SATB1: variants seen among roughly 807,000 people sequenced by gnomAD.
SATB1 encodes the protein SATB homeobox 1.
Under a neutral mutation model 86.9 loss-of-function variants are expected in SATB1, and 11 were observed. The observed-to-expected ratio is 0.13, with a 90% CI of 0.08 to 0.21. SATB1 has a LOEUF of 0.21. Among genes scored for constraint, SATB1 ranks in the 10% least tolerant of loss-of-function variants. The pLI is 1.00. For synonymous variants in SATB1, 357 were observed against 357.2 expected, an observed-to-expected ratio of 1.00 and a Z score of 0.01; for missense variants, 551 against 937.6, an observed-to-expected ratio of 0.59 and a Z score of 5.39.
chr3:18,418,834 G>A (rs1698244464), intron 2 of SATB1, among the ~76,000 whole-genome samples: 1 of 152,162 alleles, frequency 6.6e-6, no homozygotes, highest in Non-Finnish European at 1.5e-5. Flanking sequence ...TGGAGTATCT[G>A]AGACCCTCCT....
chr3:18,424,976 G>A lies in SATB1; in HGVS notation c.-1374C>T, dbSNP rs1698606113. 6.4e-6 allele frequency: 1 copy of A among 155,328 alleles called. No homozygotes were observed. Among genetic ancestry groups the A allele is most frequent in the African/African-American group, 2.4e-5 (1 of 41,452 alleles). 9.6% of individuals were successfully genotyped at this position (155,328 alleles called of 1,614,324 possible). On this transcript the variant is annotated 5_prime_UTR_variant, in exon 1 of 11. Transcript: ENST00000338745. ...GAGTGTGAGCGCGAGTCCCCGGACGGGGCTGCTTCTCTCGCTCTCTCCCTC... is the reference window on the plus strand; with the variant it reads ...GAGTGTGAGCGCGAGTCCCCGGACGAGGCTGCTTCTCTCGCTCTCTCCCTC...
At chr3:18,374,386 T>C (rs146154990) in intron 9 of SATB1, among the ~76,000 whole-genome samples, 6 of 152,348 alleles carry the variant, frequency 3.9e-5, no homozygotes, top group East Asian at 1.9e-4. Flanking sequence ...TAGCAAATTC[T>C]GCTCTCATAA....
intron 10 of SATB1, chr3:18,351,357 G>A (rs1240541909): frequency 1.9e-6 from 3 of 1,555,316 alleles, no homozygotes; most frequent in African/African-American, 1.4e-5. Context: ...GGCAGGCCTG[G>A]TAAGAAAACG....
intron 9 of SATB1, among the ~76,000 whole-genome samples, chr3:18,364,923 A>G (rs1695106296): frequency 6.6e-6 from 1 of 151,990 alleles, no homozygotes; most frequent in South Asian, 2.1e-4. Flanking sequence ...AGGGGTTCCT[A>G]GACTGTGTCC....
intron 9 of SATB1, among the ~76,000 whole-genome samples, chr3:18,361,275 A>T (rs1694893616): frequency 6.6e-6 from 1 of 152,128 alleles, no homozygotes; most frequent in Non-Finnish European, 1.5e-5. Context: ...GCTAAACCTC[A>T]ATTTTCTGCT....
chr3:18,445,275 C>T lies in SATB1; in HGVS notation c.-25+243G>A, dbSNP rs1699361725. The T allele has an allele frequency of 1.2e-5, 12 of 984,188 alleles. No individual in the cohort carries two copies. The African/African-American group carries it at 1.2e-4, about 10-fold the overall frequency. The allele number at this position is 984,188 out of a possible 1,614,324, so 61.0% of individuals were successfully genotyped here. ...ACACTAGGCGCACTGAAGCCCGAGC[C>T]GAGCCGAGCCCGAGCCGCCGCCGCC... On this transcript the variant is annotated intron_variant, in intron 1 of 3. Transcript: ENST00000415069.
intron 9 of SATB1, among the ~76,000 whole-genome samples, chr3:18,373,359 C>T (rs1190312383): frequency 1.3e-5 from 2 of 152,058 alleles, no homozygotes; most frequent in African/African-American, 2.4e-5. Flanking sequence ...TATGAACATT[C>T]CAAAAGAATG....
intron 9 of SATB1, among the ~76,000 whole-genome samples, chr3:18,356,787 G>A (rs536695440): frequency 6.6e-6 from 1 of 151,886 alleles, no homozygotes; most frequent in African/African-American, 2.4e-5. Context: ...TTTTAATTGA[G>A]TCAAGAAAGT....
chr3:18,352,834 A>G lies in SATB1; in HGVS notation c.1576-639T>C, dbSNP rs1354484928. ...TTTTTCCGCCTGCTGCAGTGGGAGC[A>G]TATGATTTGTCAGGCAAGAATTTAA... is the stretch of plus-strand genomic sequence containing the variant. On this transcript the variant is annotated intron_variant, in intron 9 of 10. Coordinates refer to ENST00000338745, the MANE Select transcript of SATB1 (RefSeq NM_002971.6). The surrounding 1 kb of genome is among the most constrained non-coding windows in gnomAD (Gnocchi z 4.1). 1.3e-5 allele frequency: 2 copies of G among 152,564 alleles called. No homozygotes were observed. Among genetic ancestry groups the G allele is most frequent in the African/African-American group, 2.4e-5 (1 of 41,450 alleles). The allele number at this position is 152,564 out of a possible 1,614,324, so 9.5% of individuals were successfully genotyped here. A position where few individuals can be genotyped will look rare whatever the true frequency, so the allele number is the denominator to read the frequency against.
intron 4 of SATB1, 60 bp from the exon 5 acceptor site, chr3:18,415,294 T>C: frequency 1.9e-6 from 3 of 1,595,534 alleles, no homozygotes; most frequent in Non-Finnish European, 1.7e-6. Flanking sequence ...CTGCAGAACA[T>C]TCCTTTAAGA....
At chr3:18,439,466 T>A (rs552379599), upstream of SATB1, among the ~76,000 whole-genome samples, 1 of 152,168 alleles carries the variant, frequency 6.6e-6, no homozygotes, top group East Asian at 1.9e-4. Context: ...AAAGATACCA[T>A]TGGCATAAGT....
At chr3:18,411,681 C>G (rs191285110) in intron 5 of SATB1, among the ~76,000 whole-genome samples, 1 of 152,078 alleles carries the variant, frequency 6.6e-6, no homozygotes, top group Admixed American at 6.6e-5. Context: ...TCCAACTTAT[C>G]TAACCACATC....
At position 18,352,265 on chromosome 3, in the gene SATB1, A is replaced by G; in HGVS notation, c.1576-70T>C. On this transcript the variant is annotated intron_variant, in intron 9 of 10. Coordinates refer to ENST00000338745, the MANE Select transcript of SATB1 (RefSeq NM_002971.6). The surrounding 1 kb of genome is among the most constrained non-coding windows in gnomAD (Gnocchi z 4.1). ...GGCTGGCATTTTCCATTAGGAGCTA[A>G]AAAGGAAAAACCCTATGAATTAACT... The G allele has an allele frequency of 1.5e-6, 2 of 1,360,304 alleles. No individual in the cohort carries two copies. The highest frequency in any genetic ancestry group is 2.1e-6 in the Non-Finnish European group (2 of 961,308). The allele number at this position is 1,360,304 out of a possible 1,614,324, so 84.3% of individuals were successfully genotyped here.
chr3:18,443,169 A>G (rs1032344862), upstream of SATB1, among the ~76,000 whole-genome samples: 25 of 152,372 alleles, frequency 1.6e-4, no homozygotes, highest in African/African-American at 6.0e-4. This position sits in a 1 kb window ranked among gnomAD's most constrained non-coding sequence, Gnocchi z 4.4. Flanking sequence ...CTCTGTCAGC[A>G]GTACAAACAC....
chr3:18,345,667 A>G lies in SATB1; in HGVS notation c.*3503T>C, dbSNP rs1180076910. The G allele has an allele frequency of 1.3e-5, 2 of 152,138 alleles. No individual in the cohort carries two copies. The highest frequency in any genetic ancestry group is 1.9e-4 in the East Asian group (1 of 5,200). 9.4% of individuals were successfully genotyped at this position (152,138 alleles called of 1,614,324 possible). A position where few individuals can be genotyped will look rare whatever the true frequency, so the allele number is the denominator to read the frequency against. Reference sequence around the variant, plus strand: ...GTATTGATATTTTCTGATATTTTAGATATGATTAATATTTTGGACCTCCAT... The same window carrying G: ...GTATTGATATTTTCTGATATTTTAGGTATGATTAATATTTTGGACCTCCAT... On this transcript the variant is annotated 3_prime_UTR_variant, in exon 11 of 11. Transcript: ENST00000338745.
At position 18,368,861 on chromosome 3, in the gene SATB1, C is replaced by T. The variant is rs190946950; in HGVS notation, c.1575+9309G>A. Among the ~76,000 whole-genome samples, 173 of 152,222 alleles carry T rather than the reference C, an allele frequency of 1.1e-3. 1 individual carries two copies. Among genetic ancestry groups the T allele is most frequent in the African/African-American group, 1.3e-3 (52 of 41,536 alleles). ...ACACCACTGATCCTATTTCCTCCTC[C>T]GCTCTTAGCTTTAGTTTTCCACCAG... On this transcript the variant is annotated intron_variant, in intron 9 of 10. Coordinates refer to ENST00000338745, the MANE Select transcript of SATB1 (RefSeq NM_002971.6).
chr3:18,354,480 A>AT (rs1188651751), intron 9 of SATB1, among the ~76,000 whole-genome samples: 1 of 152,154 alleles, frequency 6.6e-6, no homozygotes, highest in East Asian at 1.9e-4. Context: ...AACACAGAAG[A>AT]TTTTTTTTAA....
chr3:18,374,210 G>A (rs9809323), intron 9 of SATB1, among the ~76,000 whole-genome samples: 130,052 of 152,168 alleles, frequency 0.85, 55,728 homozygotes, highest in East Asian at 0.94. Context: ...CAGAGCTCTC[G>A]AGGGGTTTGC....
chr3:18,385,262 A>C (rs1231053111), intron 8 of SATB1, among the ~76,000 whole-genome samples: 2 of 152,188 alleles, frequency 1.3e-5, no homozygotes, highest in Non-Finnish European at 2.9e-5. Flanking sequence ...TCCATGTTCA[A>C]TTTTTATCCA....
Sources: gnomAD v4.1 joint callset for allele counts (sites outside exome capture counted in the v4.1 genomes callset) on GRCh38, gnomAD v4.1.1 for gene constraint, Gnocchi (gnomAD v3.1) non-coding constraint, MANE v1.5 for transcripts, NCBI Gene and HGNC (gene_info 2026-07-23, HGNC 2026-07-21) for gene names.